Variants in CAMK2G observed in about 807,000 individuals in gnomAD.
CAMK2G encodes calcium/calmodulin dependent protein kinase II gamma, also known as calcium/calmodulin-dependent protein kinase type II subunit gamma.
Under a neutral mutation model 88.7 loss-of-function variants are expected in CAMK2G, and 23 were observed. The ratio of observed to expected loss-of-function variants is 0.26; its 90% confidence interval spans 0.19 to 0.37. The LOEUF (loss-of-function observed/expected upper bound fraction) is 0.37, where lower values mean the gene tolerates loss of function less well. Ranked by LOEUF, CAMK2G falls within the 10% of genes least tolerant of loss-of-function variation. CAMK2G has a pLI of 1.00. For synonymous variants in CAMK2G, 263 were observed against 294.8 expected (o/e 0.89, Z 1.11); for missense variants, 476 against 780.8 (o/e 0.61, Z 4.65).
intron 5 of CAMK2G, among the ~76,000 whole-genome samples, chr10:73,851,754 G>A (rs1339509534): frequency 1.3e-5 from 2 of 148,368 alleles, no homozygotes; most frequent in African/African-American, 2.5e-5. Flanking sequence ...TTTTTGTGGG[G>A]GGGGGGAGGG....
In CAMK2G at chr10:73,842,235, G is replaced by C. The variant is rs775258196; in HGVS notation, c.904-24C>G. 6.3e-7 allele frequency: 1 copy of C among 1,596,182 alleles called. No homozygotes were observed. Among genetic ancestry groups the C allele is most frequent in the African/African-American group, 1.3e-5 (1 of 74,536 alleles). On this transcript the variant is annotated intron_variant, in intron 11 of 22. Coordinates refer to ENST00000423381, the MANE Select transcript of CAMK2G (RefSeq NM_001367534.1). The surrounding 1 kb of genome is among the most constrained non-coding windows in gnomAD (Gnocchi z 4.6). The stretch of plus-strand genomic sequence containing the variant: ...CCCTGGGGAAAGAGGAAGGTCCTGT[G>C]AATTCACTGAGACCCTAGAAAAGGG...
At chr10:73,833,146 A>G (rs563746445) in intron 14 of CAMK2G, among the ~76,000 whole-genome samples, 50 of 149,610 alleles carry the variant, frequency 3.3e-4, no homozygotes, top group South Asian at 1.3e-3. Flanking sequence ...TTTTTTTTTA[A>G]GAGATGGGGT....
chr10:73,842,571 C>G lies in CAMK2G; in HGVS notation c.820-30G>C, dbSNP rs1394385896. The G allele has an allele frequency of 5.9e-6, 9 of 1,529,832 alleles. No individual in the cohort carries two copies. The highest frequency in any genetic ancestry group is 8.2e-6 in the Non-Finnish European group (9 of 1,103,626). 94.8% of individuals were successfully genotyped at this position (1,529,832 alleles called of 1,614,324 possible). A position where few individuals can be genotyped will look rare whatever the true frequency, so the allele number is the denominator to read the frequency against. On this transcript the variant is annotated intron_variant, in intron 10 of 22. Coordinates refer to ENST00000423381, the MANE Select transcript of CAMK2G (RefSeq NM_001367534.1). This position sits in a 1 kb window ranked among gnomAD's most constrained non-coding sequence, Gnocchi z 4.6. ...AAACCAAACAGACAGGCTATGAGCCCCAGCCCAGATCCTCTGCGCCTCCCA... is the reference window on the plus strand; with the variant it reads ...AAACCAAACAGACAGGCTATGAGCCGCAGCCCAGATCCTCTGCGCCTCCCA...
chr10:73,840,126 G>T (rs1056097745), intron 12 of CAMK2G, among the ~76,000 whole-genome samples: 4 of 152,076 alleles, frequency 2.6e-5, no homozygotes, highest in Non-Finnish European at 2.9e-5. Flanking sequence ...TAAGTTTACT[G>T]GTGGGCCCCA....
rs1234955711 is a variant in CAMK2G at position 73,814,377 on chromosome 10, A to G, written c.*141T>C. 1.3e-5 allele frequency: 2 copies of G among 152,592 alleles called. No homozygotes were observed. Among genetic ancestry groups the G allele is most frequent in the African/African-American group, 4.9e-5 (2 of 41,120 alleles). 9.5% of individuals were successfully genotyped at this position (152,592 alleles called of 1,614,324 possible). ...GGGAGGGCTGCATGCAGGGGCGTGC[A>G]TTGGCTGCTGCCGCTTTTGTAATTG... On this transcript the variant is annotated 3_prime_UTR_variant, in exon 23 of 23. Transcript: ENST00000423381.
intron 17 of CAMK2G, among the ~76,000 whole-genome samples, chr10:73,822,434 C>T (rs988414066): frequency 5.3e-5 from 8 of 152,184 alleles, no homozygotes; most frequent in South Asian, 2.1e-4. Flanking sequence ...TTCCAAAGTG[C>T]AGGGATTACG....
intron 2 of CAMK2G, among the ~76,000 whole-genome samples, 192 bp from the exon 3 acceptor site, chr10:73,861,081 G>A (rs551578947): frequency 6.6e-6 from 1 of 152,300 alleles, no homozygotes; most frequent in East Asian, 1.9e-4. Flanking sequence ...TTGTCCCTCA[G>A]GCAGGAGTGC....
chr10:73,842,235 G>A lies in CAMK2G; in HGVS notation c.904-24C>T, dbSNP rs775258196. On this transcript the variant is annotated intron_variant, in intron 11 of 22. Transcript: ENST00000423381. This position sits in a 1 kb window ranked among gnomAD's most constrained non-coding sequence, Gnocchi z 4.6. ...CCCTGGGGAAAGAGGAAGGTCCTGT[G>A]AATTCACTGAGACCCTAGAAAAGGG... The A allele has an allele frequency of 1.4e-5, 22 of 1,596,182 alleles. No homozygotes were observed. Among genetic ancestry groups the A allele is most frequent in the Middle Eastern group, 3.3e-4 (2 of 6,046 alleles).
rs2093337013 is a variant in CAMK2G at position 73,837,234 on chromosome 10, G to C, written c.1053+234C>G. 5 of 574,100 alleles carry C rather than the reference G, an allele frequency of 8.7e-6. No homozygotes were observed. The East Asian group carries it at 1.5e-4, about 17-fold the overall frequency. The allele number at this position is 574,100 out of a possible 1,614,324, so 35.6% of individuals were successfully genotyped here. ...CGGATTCAGCTCTGGTATAAACTAT[G>C]ATTTGGATCACTTCCCCTGAGTCAT... On this transcript the variant is annotated intron_variant, in intron 14 of 22. Transcript: ENST00000423381.
intron 13 of CAMK2G, among the ~76,000 whole-genome samples, chr10:73,838,627 G>A (rs758279540): frequency 2.0e-5 from 3 of 152,078 alleles, no homozygotes; most frequent in African/African-American, 7.2e-5. Flanking sequence ...TGAGAACAGG[G>A]GTCCTTCCAT....
chr10:73,834,292 G>A (rs2633310), intron 14 of CAMK2G, among the ~76,000 whole-genome samples: 1 of 151,990 alleles, frequency 6.6e-6, no homozygotes, highest in Non-Finnish European at 1.5e-5. Context: ...CCATCACAAC[G>A]GCTGCGAATA....
chr10:73,867,837 G>A (rs2095650371), intron 2 of CAMK2G, among the ~76,000 whole-genome samples: 1 of 152,192 alleles, frequency 6.6e-6, no homozygotes, highest in African/African-American at 2.4e-5. Flanking sequence ...GCCAAGGAGT[G>A]GGTGGAGGCC....
chr10:73,824,195 A>G, intron 16 of CAMK2G, 111 bp from the exon 17 acceptor site: 1 of 743,702 alleles, frequency 1.3e-6, no homozygotes, highest in Non-Finnish European at 2.4e-6. Context: ...ATGACCACTG[A>G]GGCCTGCCCA....
intron 10 of CAMK2G, chr10:73,846,997 C>T (rs1187413547): frequency 7.7e-6 from 4 of 519,050 alleles, no homozygotes; most frequent in Non-Finnish European, 1.4e-5. Flanking sequence ...CCCAGCCTGA[C>T]AGCCATGAGT....
rs1325332353 is a variant in CAMK2G, at chr10:73,814,262, T to C, written c.*256A>G. ...TAAAACGCATCATGGTATGGATTCC[T>C]TTTTTTTTTAAACAATCTTTTTTTC... is the stretch of plus-strand genomic sequence containing the variant. On this transcript the variant is annotated 3_prime_UTR_variant, in exon 23 of 23. Coordinates refer to ENST00000423381, the MANE Select transcript of CAMK2G (RefSeq NM_001367534.1). 6.7e-6 allele frequency: 1 copy of C among 148,424 alleles called. No homozygotes were observed. The highest frequency in any genetic ancestry group is 1.5e-5 in the Non-Finnish European group (1 of 66,690). The allele number at this position is 148,424 out of a possible 1,614,324, so 9.2% of individuals were successfully genotyped here.
At chr10:73,830,070 A>T (rs1044690192) in intron 14 of CAMK2G, among the ~76,000 whole-genome samples, 3 of 152,128 alleles carry the variant, frequency 2.0e-5, no homozygotes, top group African/African-American at 7.2e-5. Flanking sequence ...ACTAATGGGG[A>T]ATAAGTTCTC....
intron 3 of CAMK2G, among the ~76,000 whole-genome samples, chr10:73,853,903 C>T (rs1424153539): frequency 6.6e-6 from 1 of 152,202 alleles, no homozygotes; most frequent in Non-Finnish European, 1.5e-5. Context: ...CGCTAGGCAG[C>T]GGGATTCAGG....
At chr10:73,850,088 TG>T (rs1380026861) in intron 5 of CAMK2G, among the ~76,000 whole-genome samples, 4 of 152,196 alleles carry the variant, frequency 2.6e-5, no homozygotes, top group African/African-American at 9.7e-5. Context: ...CTTGACCTCC[TG>T]GGCTCAAGCA....
intron 10 of CAMK2G, among the ~76,000 whole-genome samples, chr10:73,844,213 C>A (rs1030803221): frequency 6.6e-6 from 1 of 151,800 alleles, no homozygotes; most frequent in East Asian, 1.9e-4. Context: ...CTCATCTCAG[C>A]CTCCCAAGTA....
Sources: allele counts gnomAD v4.1 joint callset (sites outside exome capture counted in the v4.1 genomes callset), GRCh38; gene constraint gnomAD v4.1.1; non-coding constraint Gnocchi (gnomAD v3.1); transcripts MANE v1.5; gene names NCBI Gene and HGNC (gene_info 2026-07-23, HGNC 2026-07-21).